TMEM132C: variants seen among roughly 807,000 people sequenced by gnomAD.
TMEM132C encodes the protein transmembrane protein 132C, also known as protein phosphatase 1, regulatory subunit 152.
A neutral mutation model predicts 61.4 loss-of-function variants in TMEM132C; 29 were observed. The observed-to-expected ratio is 0.47, with a 90% confidence interval of 0.35 to 0.64. The LOEUF is 0.64. TMEM132C is among the 30% of genes least tolerant of loss of function. The pLI is 0.00. For missense variants in TMEM132C, 1,408 were observed against 1,476.9 expected, an observed-to-expected ratio of 0.95 and a Z score of 0.76; for synonymous variants, 656 against 633.1, an observed-to-expected ratio of 1.04 and a Z score of -0.54.
At chr12:128,408,935 A>G (rs1244218133) in intron 1 of TMEM132C, among the ~76,000 whole-genome samples, 2 of 152,118 alleles carry the variant, frequency 1.3e-5, no homozygotes, top group Admixed American at 6.6e-5. Context: ...GCTGCCCCAT[A>G]TGCTGGCGGG....
chr12:128,391,820 G>T (rs544492697), intron 1 of TMEM132C, among the ~76,000 whole-genome samples: 1 of 152,300 alleles, frequency 6.6e-6, no homozygotes, highest in South Asian at 2.1e-4. Context: ...CCAGGGGTCT[G>T]GCAAACTAGA....
chr12:128,269,901 A>G (rs935027200), intron 1 of TMEM132C, among the ~76,000 whole-genome samples: 1 of 151,948 alleles, frequency 6.6e-6, no homozygotes, highest in African/African-American at 2.4e-5. Flanking sequence ...CCACTGATTA[A>G]TTTTTAATAC....
chr12:128,391,118 T>G lies in TMEM132C; in HGVS notation c.86-23614T>G, dbSNP rs138905698. On this transcript the variant is annotated intron_variant, in intron 1 of 8. Coordinates refer to ENST00000435159, the MANE Select transcript of TMEM132C (RefSeq NM_001136103.3). ...AATGCAAATTCTCAAGCCACTCTAA[T>G]GGAGGGACTCCTGCAGTCACCCTCC... is the stretch of plus-strand genomic sequence containing the variant. Among the ~76,000 whole-genome samples, 115 of 152,306 alleles carry G rather than the reference T, an allele frequency of 7.6e-4. 1 individual carries two copies. Among genetic ancestry groups the G allele is most frequent in the African/African-American group, 2.5e-3 (104 of 41,564 alleles).
At chr12:128,623,450 T>A (rs939887756) in intron 4 of TMEM132C, among the ~76,000 whole-genome samples, 10 of 145,380 alleles carry the variant, frequency 6.9e-5, no homozygotes, top group African/African-American at 1.3e-4. Flanking sequence ...TATATAATTT[T>A]AAAAAAATGA....
intron 2 of TMEM132C, among the ~76,000 whole-genome samples, chr12:128,517,855 C>A (rs533344801): frequency 6.6e-5 from 10 of 152,154 alleles, no homozygotes; most frequent in Non-Finnish European, 1.5e-4. Flanking sequence ...GGATTGAGCT[C>A]TTTCTGCAAA....
At chr12:128,653,357 C>T (rs1954292225) in intron 4 of TMEM132C, among the ~76,000 whole-genome samples, 2 of 152,104 alleles carry the variant, frequency 1.3e-5, no homozygotes, top group Admixed American at 1.3e-4. Context: ...TGAGAGTGTA[C>T]TGGTTAGTAT....
intron 3 of TMEM132C, among the ~76,000 whole-genome samples, chr12:128,557,371 A>G (rs181204726): frequency 1.3e-4 from 20 of 152,328 alleles, no homozygotes; most frequent in African/African-American, 4.8e-4. Context: ...TCCTGAAATG[A>G]TTTATTGTAT....
At chr12:128,297,219 G>C (rs897521940) in intron 1 of TMEM132C, among the ~76,000 whole-genome samples, 1 of 152,174 alleles carries the variant, frequency 6.6e-6, no homozygotes, top group African/African-American at 2.4e-5. Context: ...CTGCAGTGAA[G>C]GGGATAATAT....
chr12:128,655,977 C>T (rs1954322134), intron 4 of TMEM132C, among the ~76,000 whole-genome samples: 1 of 152,200 alleles, frequency 6.6e-6, no homozygotes, highest in Non-Finnish European at 1.5e-5. Context: ...TAAGTAAGGC[C>T]ATGACCACTA....
chr12:128,415,683 C>T lies in TMEM132C; in HGVS notation c.974+63C>T, dbSNP rs1868757468. ...GCCTGGTGTGAGACTGGGTTCCATG[C>T]GTGGCAGATAGATATTCAGGAAGCA... is the stretch of plus-strand genomic sequence containing the variant. On this transcript the variant is annotated intron_variant, in intron 2 of 8. Coordinates refer to ENST00000435159, the MANE Select transcript of TMEM132C (RefSeq NM_001136103.3). The surrounding 1 kb of genome is among the most constrained non-coding windows in gnomAD (Gnocchi z 5.8). 4.2e-6 allele frequency: 6 copies of T among 1,437,886 alleles called. No individual in the cohort carries two copies. The highest frequency in any genetic ancestry group is 1.5e-5 in the South Asian group (1 of 67,428). The allele number at this position is 1,437,886 out of a possible 1,614,324, so 89.1% of individuals were successfully genotyped here.
chr12:128,636,693 C>A (rs1954107149), intron 4 of TMEM132C, among the ~76,000 whole-genome samples: 1 of 151,882 alleles, frequency 6.6e-6, no homozygotes, highest in African/African-American at 2.4e-5. Context: ...CAGGGTTGGA[C>A]AGCAGATCTC....
At chr12:128,628,108 A>T (rs1954034547) in intron 4 of TMEM132C, among the ~76,000 whole-genome samples, 2 of 151,844 alleles carry the variant, frequency 1.3e-5, no homozygotes, top group Admixed American at 6.6e-5. Flanking sequence ...CCCCCACCTC[A>T]CCACTTCCAG....
intron 3 of TMEM132C, among the ~76,000 whole-genome samples, chr12:128,580,018 C>T (rs1342516897): frequency 6.6e-6 from 1 of 152,062 alleles, no homozygotes; most frequent in East Asian, 1.9e-4. Flanking sequence ...TGTTCGCAGG[C>T]AGTGAGGAGA....
chr12:128,637,040 T>TTGTTGTGA (rs1954109585), intron 4 of TMEM132C, among the ~76,000 whole-genome samples: 1 of 151,824 alleles, frequency 6.6e-6, no homozygotes, highest in African/African-American at 2.4e-5. Context: ...CATATTTTGG[T>TTGTTGTGA]TGTTGTGAGT....
At chr12:128,563,752 C>G (rs1371197696) in intron 3 of TMEM132C, among the ~76,000 whole-genome samples, 1 of 152,186 alleles carries the variant, frequency 6.6e-6, no homozygotes, top group Non-Finnish European at 1.5e-5. Context: ...AAAAATGTGA[C>G]AAGCTTAGAA....
At chr12:128,620,571 T>G (rs910300126) in intron 4 of TMEM132C, among the ~76,000 whole-genome samples, 5 of 152,108 alleles carry the variant, frequency 3.3e-5, no homozygotes, top group African/African-American at 1.2e-4. Flanking sequence ...AAACTAAATT[T>G]TAGGCAAAAA....
chr12:128,518,756 G>GT lies in TMEM132C; in HGVS notation c.975-25201_975-25200insT, dbSNP rs1436252955. ...TGCATGTGTGTGCGTGTGTGTGTGT[G>GT]GTGTGTGTGTGTGTGTGTATGCACA... On this transcript the variant is annotated intron_variant, in intron 2 of 8. Transcript: ENST00000435159. Among the ~76,000 whole-genome samples, 38 of 150,074 alleles carry GT rather than the reference G, an allele frequency of 2.5e-4. 1 individual carries two copies. Among genetic ancestry groups the GT allele is most frequent in the African/African-American group, 9.0e-4 (37 of 41,112 alleles).
chr12:128,699,174 T>C (rs1476060130), intron 8 of TMEM132C, among the ~76,000 whole-genome samples: 1 of 152,188 alleles, frequency 6.6e-6, no homozygotes, highest in Non-Finnish European at 1.5e-5. Context: ...GTGGGGTCTA[T>C]GAAGAGCTAG....
chr12:128,641,120 TG>T (rs1954154679), intron 4 of TMEM132C, among the ~76,000 whole-genome samples: 1 of 152,142 alleles, frequency 6.6e-6, no homozygotes, highest in Admixed American at 6.6e-5. Context: ...TGCTCAGATC[TG>T]GGTCCTGACA....
Sources: gnomAD v4.1 joint callset for allele counts (sites outside exome capture counted in the v4.1 genomes callset) on GRCh38, gnomAD v4.1.1 for gene constraint, Gnocchi (gnomAD v3.1) non-coding constraint, MANE v1.5 for transcripts, NCBI Gene and HGNC (gene_info 2026-07-23, HGNC 2026-07-21) for gene names.